Variants in PREP observed in about 807,000 individuals in gnomAD.
PREP encodes dJ355L5.1 (prolyl endopeptidase).
Under a neutral mutation model 87.6 loss-of-function variants are expected in PREP, and 29 were observed. The observed-to-expected ratio is 0.33, with a 90% CI of 0.25 to 0.45. The LOEUF is 0.45. PREP is among the 20% of genes least tolerant of loss of function. The pLI is 1.00. For missense variants in PREP, 695 were observed against 886.5 expected, an observed-to-expected ratio of 0.78 and a Z score of 2.74; for synonymous variants, 337 against 328.6, an observed-to-expected ratio of 1.03 and a Z score of -0.28.
chr6:105,331,806 G>A (rs1474583724), intron 8 of PREP, among the ~76,000 whole-genome samples: 1 of 152,220 alleles, frequency 6.6e-6, no homozygotes, highest in East Asian at 1.9e-4. Context: ...AATGTGAACA[G>A]AGGGTTTTGA....
chr6:105,386,012 C>T (rs1348116570), intron 2 of PREP, among the ~76,000 whole-genome samples: 2 of 152,102 alleles, frequency 1.3e-5, no homozygotes, highest in Admixed American at 6.5e-5. Context: ...CCCAGCTACT[C>T]GGGAGGCTGA....
chr6:105,301,536 G>C (rs961262636), intron 10 of PREP, among the ~76,000 whole-genome samples: 1 of 152,244 alleles, frequency 6.6e-6, no homozygotes, highest in African/African-American at 2.4e-5. Context: ...CCTGGCATTA[G>C]AAGGTTGTCA....
chr6:105,371,526 A>AAAAAAG (rs1219706073), intron 5 of PREP, among the ~76,000 whole-genome samples: 1 of 143,494 alleles, frequency 7.0e-6, no homozygotes, highest in African/African-American at 2.7e-5. Context: ...AAAAAAAAAA[A>AAAAAAG]GGTTAAGCAT....
chr6:105,327,172 T>C (rs1771185721), intron 9 of PREP, among the ~76,000 whole-genome samples: 1 of 152,130 alleles, frequency 6.6e-6, no homozygotes, highest in African/African-American at 2.4e-5. Flanking sequence ...AAGTAAAACT[T>C]CTGTACCCAG....
intron 5 of PREP, among the ~76,000 whole-genome samples, chr6:105,369,365 A>G (rs1378929766): frequency 6.6e-6 from 1 of 152,262 alleles, no homozygotes; most frequent in East Asian, 1.9e-4. Flanking sequence ...AAGACTCAAC[A>G]TTGTCAAGAT....
chr6:105,313,589 A>G (rs1770802533), intron 10 of PREP, among the ~76,000 whole-genome samples: 1 of 152,212 alleles, frequency 6.6e-6, no homozygotes, highest in Non-Finnish European at 1.5e-5. Context: ...ATTGTCTACC[A>G]TCACCTATTA....
chr6:105,300,143 C>T lies in PREP; in HGVS notation c.1318-11249G>A, dbSNP rs192587894. 1.3e-3 allele frequency among the ~76,000 whole-genome samples: 201 copies of T among 152,256 alleles called. 1 individual carries two copies. Among genetic ancestry groups the T allele is most frequent in the African/African-American group, 4.7e-3 (195 of 41,540 alleles). ...ATCTCTTGACTTTCAGTGATCTGCC[C>T]ATCTCAACCTCCCAAAGTGCTGGGA... On this transcript the variant is annotated intron_variant, in intron 10 of 14. Coordinates refer to ENST00000652536, the MANE Select transcript of PREP (RefSeq NM_002726.5).
chr6:105,282,857 C>T (rs1016752693), intron 12 of PREP, among the ~76,000 whole-genome samples: 15 of 152,160 alleles, frequency 9.9e-5, no homozygotes, highest in African/African-American at 2.9e-4. Context: ...AACAGATGGT[C>T]GGTTATGAGA....
chr6:105,322,345 T>C (rs1262921778), intron 10 of PREP: 1 of 927,168 alleles, frequency 1.1e-6, no homozygotes, highest in East Asian at 1.2e-4. Flanking sequence ...GAATATACCT[T>C]ATCTCTTAAT....
intron 6 of PREP, among the ~76,000 whole-genome samples, chr6:105,364,380 C>T (rs1338594299): frequency 6.6e-6 from 1 of 152,136 alleles, no homozygotes; most frequent in Non-Finnish European, 1.5e-5. Context: ...GCAAGACAGA[C>T]CTGTCCATGC....
intron 9 of PREP, among the ~76,000 whole-genome samples, chr6:105,324,942 T>C (rs774722018): frequency 6.6e-6 from 1 of 152,234 alleles, no homozygotes; most frequent in Admixed American, 6.5e-5. Flanking sequence ...GACAGTAAGA[T>C]GTATAACATG....
intron 10 of PREP, among the ~76,000 whole-genome samples, chr6:105,321,882 C>G (rs1255397264): frequency 6.6e-6 from 1 of 152,012 alleles, no homozygotes; most frequent in African/African-American, 2.4e-5. Flanking sequence ...GCAACCCTAC[C>G]CCGTCCTACC....
intron 9 of PREP, among the ~76,000 whole-genome samples, chr6:105,323,974 T>A (rs985975501): frequency 1.3e-5 from 2 of 152,226 alleles, no homozygotes; most frequent in Non-Finnish European, 2.9e-5. Context: ...TAAGTGTTCA[T>A]CCTCATCATC....
At chr6:105,355,988 G>A (rs1193134340) in intron 6 of PREP, among the ~76,000 whole-genome samples, 1 of 151,818 alleles carries the variant, frequency 6.6e-6, no homozygotes, top group Non-Finnish European at 1.5e-5. Flanking sequence ...ATTTTTTTAT[G>A]ATAGCTTTTT....
chr6:105,345,046 C>T (rs982891756), intron 7 of PREP, among the ~76,000 whole-genome samples: 1 of 152,260 alleles, frequency 6.6e-6, no homozygotes, highest in Admixed American at 6.5e-5. Context: ...CTCACAGGGC[C>T]GGATGTTTTA....
intron 10 of PREP, among the ~76,000 whole-genome samples, chr6:105,317,340 G>A (rs1770901201): frequency 6.6e-6 from 1 of 152,112 alleles, no homozygotes; most frequent in African/African-American, 2.4e-5. Flanking sequence ...TGCAGGATTA[G>A]CATAGATCTG....
intron 7 of PREP, among the ~76,000 whole-genome samples, chr6:105,341,889 A>C (rs552660741): frequency 2.0e-4 from 30 of 152,342 alleles, no homozygotes; most frequent in African/African-American, 7.0e-4. Flanking sequence ...AAATTGAGGC[A>C]ATAATAGCCT....
In PREP at chr6:105,315,128, G is replaced by A. The variant is rs79407437; in HGVS notation, c.1317+8537C>T. Among the ~76,000 whole-genome samples, 1,103 of 152,260 alleles carry A rather than the reference G, an allele frequency of 7.2e-3. 8 individuals carry two copies. The highest frequency in any genetic ancestry group is 0.012 in the Non-Finnish European group (822 of 68,018). On this transcript the variant is annotated intron_variant, in intron 10 of 14. Coordinates refer to ENST00000652536, the MANE Select transcript of PREP (RefSeq NM_002726.5). ...CATCCAGGCCATTTCTAGAGCACAC[G>A]CAGAGTGAATTTAGCACAATTCTTT...
chr6:105,286,692 C>T (rs919912732), intron 11 of PREP, among the ~76,000 whole-genome samples: 6 of 151,976 alleles, frequency 3.9e-5, no homozygotes, highest in African/African-American at 1.4e-4. Context: ...TGAGGATGAA[C>T]AGGAAAGGTC....
Sources: allele counts gnomAD v4.1 joint callset (sites outside exome capture counted in the v4.1 genomes callset), GRCh38; gene constraint gnomAD v4.1.1; transcripts MANE v1.5; gene names NCBI Gene and HGNC (gene_info 2026-07-23, HGNC 2026-07-21).